HDDC2: variants seen among roughly 807,000 people sequenced by gnomAD.
HDDC2 encodes the protein HD domain containing 2, also known as 5'-deoxynucleotidase HDDC2.
Under a neutral mutation model 25.5 loss-of-function variants are expected in HDDC2, and 25 were observed. The ratio of observed to expected loss-of-function variants is 0.98; its 90% CI spans 0.72 to 1.37. HDDC2 has a LOEUF of 1.37. Ranked by LOEUF, HDDC2 falls within the 40% of genes most tolerant of loss-of-function variation. The pLI, the probability that HDDC2 is intolerant of heterozygous loss-of-function variation, is 0.00. For synonymous variants in HDDC2, 106 were observed against 89.7 expected, an observed-to-expected ratio of 1.18 and a Z score of -1.03; for missense variants, 264 against 253.1, an observed-to-expected ratio of 1.04 and a Z score of -0.29.
At chr6:125,279,069 G>A (rs1018133972) in intron 4 of HDDC2, 1 of 152,154 alleles carries the variant, frequency 6.6e-6, no homozygotes, top group African/African-American at 2.4e-5. Flanking sequence ...CCAGCCATAA[G>A]CCCTGCATGC....
intron 5 of HDDC2, 74 bp from the exon 6 acceptor site, chr6:125,276,317 C>G: frequency 8.7e-7 from 1 of 1,153,160 alleles, no homozygotes; most frequent in Non-Finnish European, 1.3e-6. Context: ...CCAGCTTGAT[C>G]CCAGGGTTCA....
intron 1 of HDDC2, 138 bp from the exon 2 acceptor site, chr6:125,300,797 AC>A (rs1798787897): frequency 1.3e-6 from 1 of 794,310 alleles, no homozygotes; most frequent in African/African-American, 1.7e-5. Flanking sequence ...GTTTTGCTAA[AC>A]TAGCTAAAAT....
At chr6:125,278,767 G>A (rs190163842) in intron 4 of HDDC2, 6 of 152,324 alleles carry the variant, frequency 3.9e-5, no homozygotes. Context: ...TAGCAGAGAC[G>A]TTATAGGAAT....
chr6:125,301,253 G>C lies in HDDC2; in HGVS notation c.85-594C>G, dbSNP rs573268579. Among the ~76,000 whole-genome samples, 4 of 152,248 alleles carry C rather than the reference G, an allele frequency of 2.6e-5. No homozygotes were observed. In the South Asian group the frequency reaches 8.3e-4, roughly 32 times the overall value. ...GAAACGGATAATTTACTTTGAACTT[G>C]GGAGAGAGACGGGGAAGACGCACAT... On this transcript the variant is annotated intron_variant, in intron 1 of 5. Coordinates refer to ENST00000398153, the MANE Select transcript of HDDC2 (RefSeq NM_016063.3).
chr6:125,276,047 C>A lies in HDDC2; in HGVS notation c.*99G>T. On this transcript the variant is annotated 3_prime_UTR_variant, in exon 6 of 6. Coordinates refer to ENST00000398153, the MANE Select transcript of HDDC2 (RefSeq NM_016063.3). ...TCAGACAATTGAAAACAAACAGACT[C>A]ACATCTAGGGAAATCAACAGACCAA... 1.2e-6 allele frequency: 1 copy of A among 854,226 alleles called. No homozygotes were observed. The highest frequency in any genetic ancestry group is 1.5e-5 in the South Asian group (1 of 66,526). 52.9% of individuals were successfully genotyped at this position (854,226 alleles called of 1,614,324 possible). A position where few individuals can be genotyped will look rare whatever the true frequency, so the allele number is the denominator to read the frequency against.
rs1056045298 is a variant in HDDC2, at chr6:125,275,791, A to T, written c.*355T>A. On this transcript the variant is annotated 3_prime_UTR_variant, in exon 6 of 6. Coordinates refer to ENST00000398153, the MANE Select transcript of HDDC2 (RefSeq NM_016063.3). The stretch of plus-strand genomic sequence containing the variant: ...TGTTCTTAAAAGCAATCATAATGAA[A>T]TTTTCTATTATTCAATGAACCTAGC... 1 of 196,248 alleles carries T rather than the reference A, an allele frequency of 5.1e-6. No individual in the cohort carries two copies. Among genetic ancestry groups the T allele is most frequent in the Non-Finnish European group, 1.0e-5 (1 of 97,250 alleles). 12.2% of individuals were successfully genotyped at this position (196,248 alleles called of 1,614,324 possible). A position where few individuals can be genotyped will look rare whatever the true frequency, so the allele number is the denominator to read the frequency against.
rs1019651325 is a variant in HDDC2 at position 125,275,889 on chromosome 6, T to C, written c.*257A>G. 11 of 420,406 alleles carry C rather than the reference T, an allele frequency of 2.6e-5. No homozygotes were observed. Among genetic ancestry groups the C allele is most frequent in the African/African-American group, 4.1e-5 (2 of 49,016 alleles). 26.0% of individuals were successfully genotyped at this position (420,406 alleles called of 1,614,324 possible). A position where few individuals can be genotyped will look rare whatever the true frequency, so the allele number is the denominator to read the frequency against. ...CCAATAAATATTCTAATATTTTAGG[T>C]GTTTAATATTTATTTATTTAGTTCA... is the stretch of plus-strand genomic sequence containing the variant. On this transcript the variant is annotated 3_prime_UTR_variant, in exon 6 of 6. Transcript: ENST00000398153.
At chr6:125,286,961 A>T (rs1386515381) in intron 4 of HDDC2, among the ~76,000 whole-genome samples, 1 of 152,254 alleles carries the variant, frequency 6.6e-6, no homozygotes, top group East Asian at 1.9e-4. Context: ...GGTGCATGAC[A>T]AAAGAACCCA....
chr6:125,290,172 C>T (rs1419385280), intron 4 of HDDC2, among the ~76,000 whole-genome samples: 1 of 152,188 alleles, frequency 6.6e-6, no homozygotes, highest in African/African-American at 2.4e-5. Flanking sequence ...ACCCTACTTT[C>T]TTAAACCAAA....
chr6:125,292,273 C>G (rs764479138), intron 4 of HDDC2, among the ~76,000 whole-genome samples: 1 of 152,016 alleles, frequency 6.6e-6, no homozygotes, highest in Non-Finnish European at 1.5e-5. Context: ...CAATGGGAAA[C>G]AACAGCTGAA....
At position 125,276,015 on chromosome 6, in the gene HDDC2, C is replaced by A; in HGVS notation, c.*131G>T. 1.4e-6 allele frequency: 1 copy of A among 690,052 alleles called. No homozygotes were observed. Among genetic ancestry groups the A allele is most frequent in the Non-Finnish European group, 2.5e-6 (1 of 399,564 alleles). 42.7% of individuals were successfully genotyped at this position (690,052 alleles called of 1,614,324 possible). A position where few individuals can be genotyped will look rare whatever the true frequency, so the allele number is the denominator to read the frequency against. Reference sequence around the variant, plus strand: ...TGCCCAAGTTGTATCACATTTCTTGCTGAAGTTCAGACAATTGAAAACAAA... The same window carrying A: ...TGCCCAAGTTGTATCACATTTCTTGATGAAGTTCAGACAATTGAAAACAAA... On this transcript the variant is annotated 3_prime_UTR_variant, in exon 6 of 6. Transcript: ENST00000398153.
intron 4 of HDDC2, among the ~76,000 whole-genome samples, chr6:125,285,587 C>A: frequency 6.7e-6 from 1 of 150,364 alleles, no homozygotes; most frequent in African/African-American, 2.4e-5. Flanking sequence ...CAGAAGAGTC[C>A]CAGAAAAAAG....
At chr6:125,287,685 T>A (rs1035839768) in intron 4 of HDDC2, among the ~76,000 whole-genome samples, 4 of 150,318 alleles carry the variant, frequency 2.7e-5, no homozygotes, top group African/African-American at 9.8e-5. Flanking sequence ...ACAGGAGGGG[T>A]GTGGAGAGAA....
chr6:125,291,854 C>T (rs1055154198), intron 4 of HDDC2, among the ~76,000 whole-genome samples: 2 of 152,188 alleles, frequency 1.3e-5, no homozygotes, highest in East Asian at 1.9e-4. Context: ...AATGACAGTG[C>T]CATACAGAAT....
At chr6:125,301,784 G>C in intron 1 of HDDC2, 65 bp downstream of exon 1, 1 of 1,238,486 alleles carries the variant, frequency 8.1e-7, no homozygotes, top group South Asian at 1.3e-5. Flanking sequence ...CGGGGAGGCC[G>C]GAAGCTCCGC....
chr6:125,275,397 A>T lies in HDDC2; in HGVS notation c.*749T>A, dbSNP rs534478918. 6.6e-6 allele frequency: 1 copy of T among 152,356 alleles called. No individual in the cohort carries two copies. The highest frequency in any genetic ancestry group is 1.5e-5 in the Non-Finnish European group (1 of 68,034). The allele number at this position is 152,356 out of a possible 1,614,324, so 9.4% of individuals were successfully genotyped here. On this transcript the variant is annotated 3_prime_UTR_variant, in exon 6 of 6. Transcript: ENST00000398153. The stretch of plus-strand genomic sequence containing the variant: ...GAAAAGAGAGGAAGAAATCGGGTTG[A>T]TATATTCCCTACCTGAGGCTCAATG...
intron 4 of HDDC2, among the ~76,000 whole-genome samples, chr6:125,282,808 G>C (rs1485710274): frequency 6.6e-6 from 1 of 152,128 alleles, no homozygotes; most frequent in Non-Finnish European, 1.5e-5. Flanking sequence ...AAAATAAATG[G>C]ATGGAGGAAG....
chr6:125,301,706 G>T (rs1372006584), intron 1 of HDDC2, 143 bp downstream of exon 1: 6 of 605,624 alleles, frequency 9.9e-6, no homozygotes, highest in African/African-American at 2.0e-5. Flanking sequence ...CGCATCCGCA[G>T]GACTGGGGCC....
At chr6:125,283,514 C>T (rs1019718915) in intron 4 of HDDC2, among the ~76,000 whole-genome samples, 28 of 152,170 alleles carry the variant, frequency 1.8e-4, no homozygotes, top group Admixed American at 5.2e-4. Context: ...CATTCCTATA[C>T]ACCAATAATA....
Sources: gnomAD v4.1 joint callset for allele counts (sites outside exome capture counted in the v4.1 genomes callset) on GRCh38, gnomAD v4.1.1 for gene constraint, MANE v1.5 for transcripts, NCBI Gene and HGNC (gene_info 2026-07-23, HGNC 2026-07-21) for gene names.